CCDC71: variants seen among roughly 807,000 people sequenced by gnomAD.
CCDC71 encodes the protein coiled-coil domain-containing protein 71.
For missense variants in CCDC71, 594 were observed against 604.0 expected, an observed-to-expected ratio of 0.98 and a Z score of 0.17; for synonymous variants, 257 against 242.2, an observed-to-expected ratio of 1.06 and a Z score of -0.57.
rs1240511188 is a variant in CCDC71, at chr3:49,166,086, C to A, written c.-53+181G>T. On this transcript the variant is annotated intron_variant, in intron 1 of 1. Coordinates refer to ENST00000321895, the MANE Select transcript of CCDC71 (RefSeq NM_022903.4). This position sits in a 1 kb window ranked among gnomAD's most constrained non-coding sequence, Gnocchi z 4.0. ...AATGTACAGGGTGAACGGTGCTAGC[C>A]CTACCGGGACCGCACAGCCCCAGGG... Among the ~76,000 whole-genome samples the A allele has an allele frequency of 1.3e-5, 2 of 151,846 alleles. No individual in the cohort carries two copies. The highest frequency in any genetic ancestry group is 2.9e-5 in the Non-Finnish European group (2 of 67,858).
At position 49,162,868 on chromosome 3, in the gene CCDC71, G is replaced by C. The variant is rs536397950; in HGVS notation, c.1341C>G (p.Ile447Met). The change falls in exon 2 of 2, where the codon ATC (isoleucine) becomes ATG (methionine). Residue 447 changes from isoleucine to methionine, a missense_variant. Transcript: ENST00000321895. ...TTACAGGTGACAGGTTCACGCGGAG[G>C]ATCCGCTGAGCCCGCTGCCGCACCT... ...DDEVRQRAQR[I>M]LRVNLSPVIR... The C allele has an allele frequency of 6.2e-6, 10 of 1,614,128 alleles. No individual in the cohort carries two copies. The East Asian group carries it at 1.8e-4, about 29-fold the overall frequency.
In CCDC71 at chr3:49,162,832, C is replaced by T; in HGVS notation, c.1377G>A (p.Gln459=). 1 of 1,613,106 alleles carries T rather than the reference C, an allele frequency of 6.2e-7. No homozygotes were observed. Among genetic ancestry groups the T allele is most frequent in the Non-Finnish European group, 8.5e-7 (1 of 1,179,808 alleles). Residue 459 remains glutamine, a synonymous_variant, in exon 2 of 2, where the codon CAG becomes CAA. Coordinates refer to ENST00000321895, the MANE Select transcript of CCDC71 (RefSeq NM_022903.4). ...RVNLSPVIRL[Q]PLLPYSAV The stretch of plus-strand genomic sequence containing the variant: ...AGACTGCTGAATATGGCAGCAATGG[C>T]TGGAGCCGTATTACAGGTGACAGGT...
Position 49,164,016 on chromosome 3 carries a change from G to A in CCDC71, c.193C>T (p.Leu65=). ...LRDDGFQPTI[L]RSGDVYGYSS... The stretch of plus-strand genomic sequence containing the variant: ...TAGCCATAGACATCACCACTGCGCA[G>A]GATGGTAGGTTGGAAGCCATCATCT... Residue 65 remains leucine (L), a synonymous_variant, in exon 2 of 2, where the codon CTG becomes TTG. Transcript: ENST00000321895. 2 of 1,614,198 alleles carry A rather than the reference G, an allele frequency of 1.2e-6. No homozygotes were observed. Among genetic ancestry groups the A allele is most frequent in the Non-Finnish European group, 1.7e-6 (2 of 1,180,040 alleles).
rs1226766629 is a variant in CCDC71, at chr3:49,163,358, T to C, written c.851A>G (p.Lys284Arg). 14 of 1,613,904 alleles carry C rather than the reference T, an allele frequency of 8.7e-6. No homozygotes were observed. Among genetic ancestry groups the C allele is most frequent in the African/African-American group, 2.7e-5 (2 of 74,952 alleles). The stretch of plus-strand genomic sequence containing the variant: ...AGCTTTGGCCAGTGTTCGAGCTACC[T>C]TGGCCTGGGCTGTTTTGGTGCCCAG... ...SALGTKTAQA[K>R]VARTLAKAAR... Residue 284 changes from lysine (K) to arginine (R), a missense_variant, in exon 2 of 2, where the codon AAG becomes AGG. By Grantham distance (26) the Lys-to-Arg change is conservative. Coordinates refer to ENST00000321895, the MANE Select transcript of CCDC71 (RefSeq NM_022903.4).
rs754427141 is a variant in CCDC71, at chr3:49,163,193, C to T, written c.1016G>A (p.Trp339Ter). The change falls in exon 2 of 2, where the codon TGG becomes TAG. Residue 339 changes from tryptophan (W) to a stop codon, truncating the protein, a stop_gained. Transcript: ENST00000321895. LOFTEE classifies it low-confidence loss of function (END_TRUNC). ...VKAKAKVMAA[W>*]AKAKAKAKAV... Reference sequence around the variant, plus strand: ...CTTGGCTTTAGCCTTGGCCTTGGCCCATGCTGCCATGACTTTGGCCTTGGC... The same window carrying T: ...CTTGGCTTTAGCCTTGGCCTTGGCCTATGCTGCCATGACTTTGGCCTTGGC... The T allele has an allele frequency of 1.6e-5, 25 of 1,569,204 alleles. No individual in the cohort carries two copies. The highest frequency in any genetic ancestry group is 2.1e-5 in the Non-Finnish European group (24 of 1,148,134).
rs142878485 is a variant in CCDC71 at position 49,163,744 on chromosome 3, C to A, written c.465G>T (p.Arg155=). The change falls in exon 2 of 2, where the codon CGG becomes CGT. Residue 155 remains arginine (R), a synonymous_variant. Transcript: ENST00000321895. The stretch of plus-strand genomic sequence containing the variant: ...GGGTGGGGAAGCCCACTGCTGCACC[C>A]CGGGCATGGCTGGCACTTGATTGCT... The part of the protein sequence containing the change: ...SLKQSSASHA[R]GAAVGFPTHL... 4.3e-5 allele frequency: 69 copies of A among 1,613,984 alleles called. No homozygotes were observed. The highest frequency in any genetic ancestry group is 3.5e-4 in the South Asian group (32 of 91,082).
Position 49,165,407 on chromosome 3 carries a change from A to C in CCDC71, c.-53+860T>G, listed in dbSNP as rs750969477. ...AATCATAACTAACATCTAATACCCAACCCAACACTGAGGGTTCCCAGAAGC... is the reference window on the plus strand; with the variant it reads ...AATCATAACTAACATCTAATACCCACCCCAACACTGAGGGTTCCCAGAAGC... On this transcript the variant is annotated intron_variant, in intron 1 of 1. Coordinates refer to ENST00000321895, the MANE Select transcript of CCDC71 (RefSeq NM_022903.4). Among the ~76,000 whole-genome samples the C allele has an allele frequency of 3.7e-4, 57 of 152,078 alleles. 1 individual carries two copies. Among genetic ancestry groups the C allele is most frequent in the Non-Finnish European group, 3.8e-4 (26 of 67,998 alleles).
intron 1 of CCDC71, among the ~76,000 whole-genome samples, chr3:49,164,882 T>C (rs1487284574): frequency 6.6e-6 from 1 of 152,242 alleles, no homozygotes; most frequent in Non-Finnish European, 1.5e-5. Flanking sequence ...CAGGCGAGGA[T>C]AGAGCAACAA....
intron 1 of CCDC71, among the ~76,000 whole-genome samples, chr3:49,165,041 A>G (rs1257396649): frequency 6.6e-6 from 1 of 152,212 alleles, no homozygotes; most frequent in South Asian, 2.1e-4. Context: ...GTCTCTAGAC[A>G]GGGTACTCAG....
chr3:49,163,323 G>T lies in CCDC71; in HGVS notation c.886C>A (p.Gln296Lys), dbSNP rs781386971. Residue 296 changes from glutamine (Q) to lysine (K), a missense_variant, in exon 2 of 2, where the codon CAA becomes AAA. Transcript: ENST00000321895. ...ARTLAKAARA[Q>K]AKVARTQAKA... ...GCCTGTGTTCGAGCCACCTTGGCTT[G>T]GGCACGAGCAGCTTTGGCCAGTGTT... The T allele has an allele frequency of 1.2e-6, 2 of 1,613,860 alleles. No individual in the cohort carries two copies. The highest frequency in any genetic ancestry group is 1.7e-6 in the Non-Finnish European group (2 of 1,180,024).
Position 49,164,191 on chromosome 3 carries a change from C to A in CCDC71, c.18G>T (p.Gln6His), listed in dbSNP as rs761606611. 11 of 1,609,390 alleles carry A rather than the reference C, an allele frequency of 6.8e-6. No homozygotes were observed. In the East Asian group the frequency reaches 2.5e-4, roughly 36 times the overall value. MSVVV[Q>H]HVEEKAVHSW... ...AGTGCACAGCTTTTTCCTCCACATGCTGAACCACCACACTCATGGCATTAG... is the reference window on the plus strand; with the variant it reads ...AGTGCACAGCTTTTTCCTCCACATGATGAACCACCACACTCATGGCATTAG... Residue 6 changes from glutamine (Q) to histidine (H), a missense_variant, in exon 2 of 2, where the codon CAG becomes CAT. Coordinates refer to ENST00000321895, the MANE Select transcript of CCDC71 (RefSeq NM_022903.4).
intron 1 of CCDC71, among the ~76,000 whole-genome samples, chr3:49,165,744 G>A (rs2045719888): frequency 6.6e-6 from 1 of 152,274 alleles, no homozygotes; most frequent in Admixed American, 6.5e-5. Flanking sequence ...AGAAGAGAGA[G>A]GGACCTATTT....
rs967031043 is a variant in CCDC71, at chr3:49,163,627, G to A, written c.582C>T (p.Ala194=). ...GCTGCAGTGACTGTGCCTTGTGCTTGGCACCCAAGCAGGGCATGGGAGTCT... is the reference window on the plus strand; with the variant it reads ...GCTGCAGTGACTGTGCCTTGTGCTTAGCACCCAAGCAGGGCATGGGAGTCT... ...PLKTPMPCLG[A]KHKAQSLQLS... is the part of the protein sequence containing the mutation. Residue 194 remains alanine (A), a synonymous_variant, in exon 2 of 2, where the codon GCC becomes GCT. Coordinates refer to ENST00000321895, the MANE Select transcript of CCDC71 (RefSeq NM_022903.4). 2 of 1,614,078 alleles carry A rather than the reference G, an allele frequency of 1.2e-6. No homozygotes were observed. Among genetic ancestry groups the A allele is most frequent in the African/African-American group, 1.3e-5 (1 of 74,924 alleles).
intron 1 of CCDC71, among the ~76,000 whole-genome samples, chr3:49,164,473 C>T (rs1184176709): frequency 6.6e-6 from 1 of 152,172 alleles, no homozygotes; most frequent in Non-Finnish European, 1.5e-5. Context: ...AAGATACATG[C>T]TCAGAAATAC....
At position 49,162,566 on chromosome 3, in the gene CCDC71, G is replaced by A. The variant is rs1415836822; in HGVS notation, c.*239C>T. On this transcript the variant is annotated 3_prime_UTR_variant, in exon 2 of 2. Transcript: ENST00000321895. ...GGTATAAAACGTGATAGATGGAACAGTAGACATACAACTTGAATAACAAGT... is the reference window on the plus strand; with the variant it reads ...GGTATAAAACGTGATAGATGGAACAATAGACATACAACTTGAATAACAAGT... The A allele has an allele frequency of 1.7e-6, 1 of 585,440 alleles. No individual in the cohort carries two copies. Among genetic ancestry groups the A allele is most frequent in the Non-Finnish European group, 3.0e-6 (1 of 328,510 alleles). The allele number at this position is 585,440 out of a possible 1,614,324, so 36.3% of individuals were successfully genotyped here.
chr3:49,163,197 C>G lies in CCDC71; in HGVS notation c.1012G>C (p.Ala338Pro). 6.4e-7 allele frequency: 1 copy of G among 1,572,266 alleles called. No individual in the cohort carries two copies. Among genetic ancestry groups the G allele is most frequent in the Non-Finnish European group, 8.7e-7 (1 of 1,149,752 alleles). Residue 338 changes from alanine (A) to proline (P), a missense_variant, in exon 2 of 2, where the codon GCA becomes CCA. Transcript: ENST00000321895. ...QVKAKAKVMA[A>P]WAKAKAKAKA... ...GCTTTAGCCTTGGCCTTGGCCCATG[C>G]TGCCATGACTTTGGCCTTGGCCTTG...
chr3:49,165,865 G>GA (rs1033564376), intron 1 of CCDC71, among the ~76,000 whole-genome samples: 3 of 152,224 alleles, frequency 2.0e-5, no homozygotes, highest in Admixed American at 6.5e-5. Context: ...AGAAGCTTCG[G>GA]AAACAGAGGC....
chr3:49,162,818 T>C lies in CCDC71; in HGVS notation c.1391A>G (p.Tyr464Cys), dbSNP rs765344078. ...CGTGTGAAGGAATCAGACTGCTGAA[T>C]ATGGCAGCAATGGCTGGAGCCGTAT... is the stretch of plus-strand genomic sequence containing the variant. Reference protein sequence around the residue: ...PVIRLQPLLPYSAV With the variant: ...PVIRLQPLLPCSAV Residue 464 changes from tyrosine to cysteine, a missense_variant, in exon 2 of 2, where the codon TAT (tyrosine) becomes TGT (cysteine). Physicochemically the swap from Tyr to Cys is radical, Grantham distance 194 (BLOSUM62 -2). Transcript: ENST00000321895. 1 of 1,613,326 alleles carries C rather than the reference T, an allele frequency of 6.2e-7. No individual in the cohort carries two copies. The highest frequency in any genetic ancestry group is 1.1e-5 in the South Asian group (1 of 91,034).
At chr3:49,164,828 G>A (rs1014497979) in intron 1 of CCDC71, among the ~76,000 whole-genome samples, 1 of 152,216 alleles carries the variant, frequency 6.6e-6, no homozygotes, top group African/African-American at 2.4e-5. Flanking sequence ...GTGAGAAAGG[G>A]TTAAGGCATA....
Sources: allele counts gnomAD v4.1 joint callset (sites outside exome capture counted in the v4.1 genomes callset), GRCh38; gene constraint gnomAD v4.1.1; non-coding constraint Gnocchi (gnomAD v3.1); transcripts MANE v1.5; gene names NCBI Gene and HGNC (gene_info 2026-07-23, HGNC 2026-07-21).